Variants in CTNND2 observed in about 807,000 individuals in gnomAD.
CTNND2 encodes the protein catenin delta 2, also known as catenin delta-2.
Under a neutral mutation model 144.4 loss-of-function variants are expected in CTNND2, and 22 were observed. The observed-to-expected ratio is 0.15, with a 90% CI of 0.11 to 0.22. The LOEUF is 0.22. Ranked by LOEUF, CTNND2 falls within the 10% of genes least tolerant of loss-of-function variation. The pLI, the probability that CTNND2 is intolerant of heterozygous loss-of-function variation, is 1.00. For missense variants in CTNND2, 1,353 were observed against 1,618.8 expected, an observed-to-expected ratio of 0.84 and a Z score of 2.82; for synonymous variants, 751 against 695.6, an observed-to-expected ratio of 1.08 and a Z score of -1.25.
chr5:11,344,363 G>A (rs1264621824), intron 9 of CTNND2, among the ~76,000 whole-genome samples: 1 of 151,234 alleles, frequency 6.6e-6, no homozygotes, highest in Non-Finnish European at 1.5e-5. Context: ...CAGCACTCCA[G>A]CCTGGGCGAC....
Position 11,872,453 on chromosome 5 carries a change from C to T in CTNND2, c.37+31364G>A, listed in dbSNP as rs570156812. The stretch of plus-strand genomic sequence containing the variant: ...TTCTGCTTCTAGATCCTTGAGGAAT[C>T]GCCATACTGTCTTCCACAATGGTTG... On this transcript the variant is annotated intron_variant, in intron 1 of 21. Transcript: ENST00000304623. Among the ~76,000 whole-genome samples, 361 of 152,256 alleles carry T rather than the reference C, an allele frequency of 2.4e-3. 4 individuals carry two copies. The highest frequency in any genetic ancestry group is 7.8e-3 in the African/African-American group (322 of 41,544).
At chr5:11,244,676 C>G (rs536885100) in intron 9 of CTNND2, among the ~76,000 whole-genome samples, 1 of 152,298 alleles carries the variant, frequency 6.6e-6, no homozygotes, top group African/African-American at 2.4e-5. Context: ...GGAAAGTAAG[C>G]TCAACGGTTA....
At chr5:11,089,288 C>A (rs1020683030) in intron 15 of CTNND2, among the ~76,000 whole-genome samples, 3 of 152,164 alleles carry the variant, frequency 2.0e-5, no homozygotes, top group Non-Finnish European at 4.4e-5. Context: ...CTAAAATAAA[C>A]TCTCAATCAT....
At chr5:11,427,954 G>A (rs1361512269) in intron 3 of CTNND2, among the ~76,000 whole-genome samples, 1 of 152,118 alleles carries the variant, frequency 6.6e-6, no homozygotes, top group Non-Finnish European at 1.5e-5. Flanking sequence ...CAGAATCATG[G>A]GGGGAGGCGA....
intron 11 of CTNND2, among the ~76,000 whole-genome samples, chr5:11,177,883 A>C (rs1338545476): frequency 1.3e-5 from 2 of 152,204 alleles, no homozygotes; most frequent in African/African-American, 4.8e-5. Context: ...AAGTATCCTC[A>C]ATTCCATCGC....
chr5:11,534,657 A>C (rs1774053271), intron 3 of CTNND2, among the ~76,000 whole-genome samples: 1 of 152,168 alleles, frequency 6.6e-6, no homozygotes, highest in Admixed American at 6.5e-5. Context: ...CTATGCGCTG[A>C]GACCTGGTGA....
chr5:11,533,879 G>A (rs891844959), intron 3 of CTNND2, among the ~76,000 whole-genome samples: 13 of 152,132 alleles, frequency 8.5e-5, no homozygotes, highest in African/African-American at 3.1e-4. Flanking sequence ...GAGATGCCAG[G>A]GCTTAGTGAT....
intron 1 of CTNND2, among the ~76,000 whole-genome samples, chr5:11,733,347 T>C (rs1050730896): frequency 5.9e-5 from 9 of 152,084 alleles, no homozygotes; most frequent in Non-Finnish European, 1.0e-4. Context: ...ATAGAGTAGA[T>C]AGTGTCAGAA....
intron 1 of CTNND2, among the ~76,000 whole-genome samples, chr5:11,840,887 C>T (rs900918705): frequency 2.0e-5 from 3 of 152,156 alleles, no homozygotes; most frequent in African/African-American, 4.8e-5. Flanking sequence ...GGCATATCTA[C>T]CCTATCAGGC....
At chr5:11,011,238 G>A (rs956530464) in intron 18 of CTNND2, among the ~76,000 whole-genome samples, 2 of 152,070 alleles carry the variant, frequency 1.3e-5, no homozygotes, top group Non-Finnish European at 2.9e-5. Context: ...TTTTGAGACA[G>A]GGCCTCACTC....
intron 9 of CTNND2, among the ~76,000 whole-genome samples, chr5:11,315,160 T>A (rs1751360786): frequency 6.6e-6 from 1 of 152,154 alleles, no homozygotes; most frequent in Non-Finnish European, 1.5e-5. Flanking sequence ...ATGAAATCCA[T>A]CAGTTTAGAG....
chr5:11,222,454 G>T (rs1015709237), intron 10 of CTNND2, among the ~76,000 whole-genome samples: 1 of 152,066 alleles, frequency 6.6e-6, no homozygotes, highest in African/African-American at 2.4e-5. Context: ...CACAATATTG[G>T]TCTGATTCCT....
intron 9 of CTNND2, among the ~76,000 whole-genome samples, chr5:11,286,352 C>T (rs2150006617): frequency 6.6e-6 from 1 of 152,254 alleles, no homozygotes; most frequent in Middle Eastern, 3.4e-3. Flanking sequence ...ATGAACAAAT[C>T]CCACTGAAAT....
intron 16 of CTNND2, among the ~76,000 whole-genome samples, chr5:11,027,855 A>T (rs141873624): frequency 8.5e-4 from 129 of 152,282 alleles, no homozygotes; most frequent in South Asian, 2.9e-3. Flanking sequence ...TGCAGAAAGG[A>T]GCTGGTGGGG....
At position 11,634,158 on chromosome 5, in the gene CTNND2, C is replaced by T. The variant is rs188004846; in HGVS notation, c.175-69102G>A. ...CAGTCAAGTCTTCTCTACATTCAAC[C>T]GACTATATACTCATCAGAAAGAGAG... On this transcript the variant is annotated intron_variant, in intron 2 of 21. Coordinates refer to ENST00000304623, the MANE Select transcript of CTNND2 (RefSeq NM_001332.4). 1.5e-4 allele frequency among the ~76,000 whole-genome samples: 23 copies of T among 152,244 alleles called. No homozygotes were observed. In the South Asian group the frequency reaches 2.3e-3, roughly 15 times the overall value.
At chr5:11,798,875 C>G (rs1791537700) in intron 1 of CTNND2, among the ~76,000 whole-genome samples, 1 of 152,060 alleles carries the variant, frequency 6.6e-6, no homozygotes, top group Non-Finnish European at 1.5e-5. Context: ...ACTTTATGGG[C>G]CATACAAAAC....
At chr5:11,250,239 G>A (rs1164423699) in intron 9 of CTNND2, among the ~76,000 whole-genome samples, 1 of 151,984 alleles carries the variant, frequency 6.6e-6, no homozygotes, top group Non-Finnish European at 1.5e-5. Context: ...TTCTGTATCT[G>A]TACAACTGAA....
intron 2 of CTNND2, among the ~76,000 whole-genome samples, chr5:11,577,181 T>C (rs892946898): frequency 3.3e-5 from 5 of 152,186 alleles, no homozygotes; most frequent in Non-Finnish European, 7.3e-5. Context: ...TGGTATATTA[T>C]CACATATTAG....
At chr5:11,199,334 C>T (rs1737190170) in intron 11 of CTNND2, 114 bp downstream of exon 11, 5 of 897,168 alleles carry the variant, frequency 5.6e-6, no homozygotes, top group Middle Eastern at 6.9e-4. Flanking sequence ...ATATTGAGAC[C>T]GCCTATGTTA....
Sources: allele counts gnomAD v4.1 joint callset (sites outside exome capture counted in the v4.1 genomes callset), GRCh38; gene constraint gnomAD v4.1.1; transcripts MANE v1.5; gene names NCBI Gene and HGNC (gene_info 2026-07-23, HGNC 2026-07-21).